RAB22A: variants seen among roughly 807,000 people sequenced by gnomAD.
The protein encoded by RAB22A is RAB22A, member RAS oncogene family.
Under a neutral mutation model 30.2 loss-of-function variants are expected in RAB22A, and 13 were observed. The ratio of observed to expected loss-of-function variants is 0.43; its 90% CI spans 0.28 to 0.68. The LOEUF (loss-of-function observed/expected upper bound fraction) is 0.68. RAB22A is among the 30% of genes least tolerant of loss of function. The pLI is 0.18. For synonymous variants in RAB22A, 89 were observed against 87.2 expected (o/e 1.02, Z -0.11); for missense variants, 177 against 246.8 (o/e 0.72, Z 1.89).
intron 6 of RAB22A, among the ~76,000 whole-genome samples, chr20:58,355,572 C>T (rs1201850996): frequency 6.6e-6 from 1 of 152,128 alleles, no homozygotes; most frequent in Non-Finnish European, 1.5e-5. Context: ...ATAATCCCAG[C>T]TACTCCAGAG....
At chr20:58,332,641 A>C (rs749594259) in intron 2 of RAB22A, among the ~76,000 whole-genome samples, 2 of 152,194 alleles carry the variant, frequency 1.3e-5, no homozygotes, top group African/African-American at 4.8e-5. Context: ...CAGTTTCACA[A>C]TTGGCTTCCC....
rs1987221694 is a variant in RAB22A, at chr20:58,361,364, T to TA, written c.*1667dup. 1 of 152,440 alleles carries TA rather than the reference T, an allele frequency of 6.6e-6. No individual in the cohort carries two copies. The highest frequency in any genetic ancestry group is 1.5e-5 in the Non-Finnish European group (1 of 68,012). 9.4% of individuals were successfully genotyped at this position (152,440 alleles called of 1,614,324 possible). ...TGGGAAAATTATAATTCAGATTAAA[T>TA]AAAAAACAATTCCCTTTTCCCTGTT... On this transcript the variant is annotated 3_prime_UTR_variant, in exon 7 of 7. Coordinates refer to ENST00000244040, the MANE Select transcript of RAB22A (RefSeq NM_020673.3).
chr20:58,312,781 T>C (rs6015249), intron 2 of RAB22A, among the ~76,000 whole-genome samples: 80,260 of 151,412 alleles, frequency 0.53, 22,567 homozygotes, highest in African/African-American at 0.72. Flanking sequence ...TGAGCCACCG[T>C]GCCTGGCCGC....
chr20:58,334,929 G>A (rs1392313775), intron 2 of RAB22A, among the ~76,000 whole-genome samples: 1 of 152,056 alleles, frequency 6.6e-6, no homozygotes, highest in Non-Finnish European at 1.5e-5. Flanking sequence ...AACTACTTTG[G>A]AAGACTCTTT....
At chr20:58,345,282 A>C (rs1986927438) in intron 3 of RAB22A, among the ~76,000 whole-genome samples, 1 of 152,024 alleles carries the variant, frequency 6.6e-6, no homozygotes. Context: ...GGCGTATAAC[A>C]TCTCTTTTTT....
At chr20:58,310,720 C>T (rs1347013618) in intron 1 of RAB22A, among the ~76,000 whole-genome samples, 1 of 152,204 alleles carries the variant, frequency 6.6e-6, no homozygotes, top group African/African-American at 2.4e-5. Flanking sequence ...AGGGATTACT[C>T]AGAGGTAACT....
chr20:58,340,442 A>G (rs1250968576), intron 2 of RAB22A, among the ~76,000 whole-genome samples: 2 of 152,132 alleles, frequency 1.3e-5, no homozygotes, highest in Admixed American at 1.3e-4. Context: ...TCTAATCTCA[A>G]CGTTTTACCT....
At chr20:58,311,230 GTCGCTGGTTCGCA>G in intron 2 of RAB22A, 108 bp downstream of exon 2, 1 of 1,056,616 alleles carries the variant, frequency 9.5e-7, no homozygotes, top group Non-Finnish European at 1.5e-6. Flanking sequence ...TGAATTCTGA[GTCGCTGGTTCGCA>G]TCATCTCTGG....
intron 2 of RAB22A, among the ~76,000 whole-genome samples, chr20:58,325,236 T>C (rs564017098): frequency 6.4e-4 from 96 of 150,414 alleles, no homozygotes; most frequent in African/African-American, 2.2e-3. Context: ...CCCAGCACTT[T>C]GGAAGGCCCA....
chr20:58,349,946 A>G (rs1188869224), intron 3 of RAB22A, among the ~76,000 whole-genome samples: 1 of 152,170 alleles, frequency 6.6e-6, no homozygotes, highest in Non-Finnish European at 1.5e-5. Context: ...TAAAGCACAT[A>G]TTTTACATAT....
intron 3 of RAB22A, among the ~76,000 whole-genome samples, chr20:58,348,969 C>T (rs1397233884): frequency 2.0e-5 from 3 of 152,114 alleles, no homozygotes; most frequent in Non-Finnish European, 4.4e-5. Flanking sequence ...GATTATGTGA[C>T]CCATAAAGCC....
intron 3 of RAB22A, among the ~76,000 whole-genome samples, chr20:58,344,892 C>T (rs1986920227): frequency 6.6e-6 from 1 of 152,154 alleles, no homozygotes; most frequent in Admixed American, 6.5e-5. Flanking sequence ...GATGTTGTGC[C>T]TCTGTCCCAT....
chr20:58,325,191 A>G (rs1454546069), intron 2 of RAB22A, among the ~76,000 whole-genome samples: 1 of 148,938 alleles, frequency 6.7e-6, no homozygotes. Context: ...AAAAAAAAAA[A>G]CTTTAGGCTA....
intron 2 of RAB22A, among the ~76,000 whole-genome samples, chr20:58,311,527 C>G (rs565027): frequency 0.5 from 76,690 of 152,046 alleles, 20,492 homozygotes; most frequent in African/African-American, 0.67. Flanking sequence ...GAGATCTGAA[C>G]CCTTACACAT....
intron 2 of RAB22A, 95 bp downstream of exon 2, chr20:58,311,217 C>T: frequency 8.6e-7 from 1 of 1,158,952 alleles, no homozygotes; most frequent in Admixed American, 1.7e-5. Context: ...GCTTTGTAGT[C>T]ATTGAATTCT....
At chr20:58,311,016 T>C in intron 1 of RAB22A, 27 bp from the exon 2 acceptor site, 1 of 1,555,608 alleles carries the variant, frequency 6.4e-7, no homozygotes, top group Non-Finnish European at 8.9e-7. Context: ...AAACTTTTTC[T>C]CAGTCCCTCA....
chr20:58,326,014 C>T (rs553467922), intron 2 of RAB22A, among the ~76,000 whole-genome samples: 2 of 152,298 alleles, frequency 1.3e-5, no homozygotes, highest in South Asian at 4.2e-4. Flanking sequence ...CACCTACATT[C>T]CATACATACA....
At position 58,366,548 on chromosome 20, in the gene RAB22A, C is replaced by T. The variant is rs545995316; in HGVS notation, c.*6845C>T. On this transcript the variant is annotated 3_prime_UTR_variant, in exon 7 of 7. Coordinates refer to ENST00000244040, the MANE Select transcript of RAB22A (RefSeq NM_020673.3). ...ACCCTCATTCAGTCCATTACACATT[C>T]GATACAGGTATCAAAATATCATAGG... 7 of 152,120 alleles carry T rather than the reference C, an allele frequency of 4.6e-5. No homozygotes were observed. The highest frequency in any genetic ancestry group is 1.7e-4 in the African/African-American group (7 of 41,474). 9.4% of individuals were successfully genotyped at this position (152,120 alleles called of 1,614,324 possible). A position where few individuals can be genotyped will look rare whatever the true frequency, so the allele number is the denominator to read the frequency against.
chr20:58,318,304 C>G (rs1267687415), intron 2 of RAB22A, among the ~76,000 whole-genome samples: 1 of 152,216 alleles, frequency 6.6e-6, no homozygotes, highest in Admixed American at 6.5e-5. Context: ...GAGCCATTCC[C>G]TGGAGGCTTA....
Sources: allele counts gnomAD v4.1 joint callset (sites outside exome capture counted in the v4.1 genomes callset), GRCh38; gene constraint gnomAD v4.1.1; transcripts MANE v1.5; gene names NCBI Gene and HGNC (gene_info 2026-07-23, HGNC 2026-07-21).